Variants in GABBR2 observed in about 807,000 individuals in gnomAD.
The protein encoded by GABBR2 is gamma-aminobutyric acid type B receptor subunit 2, also known as G-protein coupled receptor 51.
In GABBR2, 23 loss-of-function variants were observed where a neutral mutation model predicts 105.6. The ratio of observed to expected loss-of-function variants is 0.22; its 90% CI spans 0.16 to 0.31. The LOEUF is 0.31. GABBR2 is among the 10% of genes least tolerant of loss of function. GABBR2 has a pLI of 1.00. For missense variants in GABBR2, 734 were observed against 1,245.5 expected (o/e 0.59, Z 6.18); for synonymous variants, 478 against 499.7 (o/e 0.96, Z 0.58).
At chr9:98,325,105 C>A (rs1830898143) in intron 13 of GABBR2, among the ~76,000 whole-genome samples, 1 of 151,972 alleles carries the variant, frequency 6.6e-6, no homozygotes, top group Non-Finnish European at 1.5e-5. Flanking sequence ...CTTTGCATAC[C>A]TCTGGTGATG....
chr9:98,331,071 C>T (rs187366738), intron 13 of GABBR2, among the ~76,000 whole-genome samples: 2 of 152,258 alleles, frequency 1.3e-5, no homozygotes, highest in African/African-American at 4.8e-5. Flanking sequence ...TTGTAGCATG[C>T]GTCAGTACTT....
At chr9:98,340,182 GGT>G (rs144527362) in intron 13 of GABBR2, among the ~76,000 whole-genome samples, 13,018 of 149,314 alleles carry the variant, frequency 0.087, 720 homozygotes, top group Middle Eastern at 0.11. Flanking sequence ...TCCAGTGAGG[GGT>G]TTTTTTTTTT....
At chr9:98,579,910 T>C (rs1024289563) in intron 1 of GABBR2, among the ~76,000 whole-genome samples, 2 of 152,200 alleles carry the variant, frequency 1.3e-5, no homozygotes, top group Admixed American at 1.3e-4. Context: ...TGAGCAAAGT[T>C]CTATTCCCGC....
intron 2 of GABBR2, among the ~76,000 whole-genome samples, chr9:98,565,724 C>T (rs1353514246): frequency 6.6e-6 from 1 of 152,184 alleles, no homozygotes; most frequent in Non-Finnish European, 1.5e-5. Context: ...AGCCCCAGAC[C>T]AGGAACCGAG....
At chr9:98,303,714 C>T (rs1830506480) in intron 15 of GABBR2, among the ~76,000 whole-genome samples, 1 of 152,244 alleles carries the variant, frequency 6.6e-6, no homozygotes, top group Non-Finnish European at 1.5e-5. Flanking sequence ...CCCCCGAGGC[C>T]TCACTCCAGC....
intron 3 of GABBR2, among the ~76,000 whole-genome samples, chr9:98,532,492 G>A (rs778858415): frequency 1.1e-4 from 17 of 152,178 alleles, no homozygotes; most frequent in African/African-American, 4.1e-4. Context: ...CTGCAGATAC[G>A]CTGGCAGCCC....
chr9:98,530,654 G>T (rs539406204), intron 3 of GABBR2, among the ~76,000 whole-genome samples: 1 of 152,232 alleles, frequency 6.6e-6, no homozygotes, highest in Non-Finnish European at 1.5e-5. Context: ...GCGCGGTGGC[G>T]TGTGCCTGTA....
intron 2 of GABBR2, among the ~76,000 whole-genome samples, chr9:98,554,601 T>C (rs1451660315): frequency 2.6e-5 from 4 of 152,180 alleles, no homozygotes; most frequent in Non-Finnish European, 5.9e-5. Flanking sequence ...TAAAGAATAA[T>C]AGCAAAACCA....
chr9:98,367,362 A>C (rs571383823), intron 12 of GABBR2, among the ~76,000 whole-genome samples: 70 of 152,202 alleles, frequency 4.6e-4, no homozygotes, highest in Middle Eastern at 3.4e-3. Flanking sequence ...AAGAAACAAA[A>C]CAAGTCAGTC....
At chr9:98,686,647 C>T (rs868357652) in intron 1 of GABBR2, among the ~76,000 whole-genome samples, 2 of 152,136 alleles carry the variant, frequency 1.3e-5, no homozygotes, top group Non-Finnish European at 2.9e-5. Flanking sequence ...TCACCCATCT[C>T]GGCCTCCCAA....
At chr9:98,607,998 C>A in intron 1 of GABBR2, 1 of 1,277,458 alleles carries the variant, frequency 7.8e-7, no homozygotes, top group Non-Finnish European at 1.1e-6. Flanking sequence ...TTTGGAAGCA[C>A]AGCATAAACA....
At chr9:98,528,133 A>G (rs1322816796) in intron 3 of GABBR2, among the ~76,000 whole-genome samples, 1 of 152,154 alleles carries the variant, frequency 6.6e-6, no homozygotes, top group South Asian at 2.1e-4. Flanking sequence ...TTAAAATTAT[A>G]TATGTTGGTT....
chr9:98,414,234 A>G (rs1412630727), intron 7 of GABBR2, among the ~76,000 whole-genome samples: 1 of 152,250 alleles, frequency 6.6e-6, no homozygotes, highest in Non-Finnish European at 1.5e-5. Context: ...GAGGCCAAGG[A>G]GGGCCTTTCC....
chr9:98,611,796 C>T (rs1420660493), intron 1 of GABBR2, among the ~76,000 whole-genome samples: 1 of 152,222 alleles, frequency 6.6e-6, no homozygotes, highest in African/African-American at 2.4e-5. Flanking sequence ...CTGTCTGCCT[C>T]ACTAGACCTC....
At chr9:98,529,311 T>C (rs185658898) in intron 3 of GABBR2, among the ~76,000 whole-genome samples, 1 of 152,386 alleles carries the variant, frequency 6.6e-6, no homozygotes, top group Admixed American at 6.5e-5. Context: ...ATCAGGGCTA[T>C]GGCACAGATT....
At chr9:98,459,213 A>G (rs1314175427) in intron 6 of GABBR2, among the ~76,000 whole-genome samples, 1 of 152,216 alleles carries the variant, frequency 6.6e-6, no homozygotes, top group East Asian at 1.9e-4. Context: ...CTTCCACTCT[A>G]TGATGAAATC....
In GABBR2 at chr9:98,541,863, C is replaced by T. The variant is rs1828309774; in HGVS notation, c.630+10G>A. Reference sequence around the variant, plus strand: ...GTAAGGCAGGCCGTGTCCACACAAGCCGAGCGTACCTCAGAGAACCTCTGA... The same window carrying T: ...GTAAGGCAGGCCGTGTCCACACAAGTCGAGCGTACCTCAGAGAACCTCTGA... On this transcript the variant is annotated intron_variant, in intron 3 of 18. Transcript: ENST00000259455. 1.2e-6 allele frequency: 2 copies of T among 1,613,314 alleles called. No homozygotes were observed. Among genetic ancestry groups the T allele is most frequent in the South Asian group, 1.1e-5 (1 of 90,978 alleles).
chr9:98,365,453 A>G (rs1404041416), intron 12 of GABBR2, among the ~76,000 whole-genome samples: 2 of 152,218 alleles, frequency 1.3e-5, no homozygotes, highest in Admixed American at 6.5e-5. Flanking sequence ...TCATGTGTGG[A>G]TGGGTGCGTG....
chr9:98,592,653 G>A (rs1829162940), intron 1 of GABBR2, among the ~76,000 whole-genome samples: 1 of 152,150 alleles, frequency 6.6e-6, no homozygotes, highest in Non-Finnish European at 1.5e-5. Context: ...AAAAGGCCTT[G>A]GAAAGCAGTA....
Sources: allele counts gnomAD v4.1 joint callset (sites outside exome capture counted in the v4.1 genomes callset), GRCh38; gene constraint gnomAD v4.1.1; transcripts MANE v1.5; gene names NCBI Gene and HGNC (gene_info 2026-07-23, HGNC 2026-07-21).